The following ZNF609 variants were observed in gnomAD, a reference collection of about 807,000 sequenced individuals.
ZNF609 encodes the protein zinc finger protein 609.
A neutral mutation model predicts 109.5 loss-of-function variants in ZNF609; 11 were observed. The ratio of observed to expected loss-of-function variants is 0.10; its 90% CI spans 0.06 to 0.17. The LOEUF (loss-of-function observed/expected upper bound fraction) is 0.17. Among genes scored for constraint, ZNF609 ranks in the 10% least tolerant of loss-of-function variants. The probability of loss-of-function intolerance (pLI) is 1.00; values close to 1 mark genes in which losing one functional copy is unlikely to be tolerated. For synonymous variants in ZNF609, 646 were observed against 662.0 expected (o/e 0.98, Z 0.37); for missense variants, 1,559 against 1,772.4 (o/e 0.88, Z 2.16).
chr15:64,460,763 G>A lies in ZNF609; in HGVS notation c.-203G>A. 6.5e-6 allele frequency: 1 copy of A among 153,508 alleles called. No homozygotes were observed. The highest frequency in any genetic ancestry group is 1.4e-5 in the Non-Finnish European group (1 of 70,200). The allele number at this position is 153,508 out of a possible 1,614,324, so 9.5% of individuals were successfully genotyped here. A position where few individuals can be genotyped will look rare whatever the true frequency, so the allele number is the denominator to read the frequency against. ...GCCGCGGGAACGGATGGCGGCCTGG[G>A]CCCCGTAGCAGCGGCGGCTCTACGG... is the stretch of plus-strand genomic sequence containing the variant. On this transcript the variant is annotated 5_prime_UTR_variant, in exon 1 of 10. Transcript: ENST00000326648.
chr15:64,642,994 C>G, intron 3 of ZNF609, among the ~76,000 whole-genome samples: 1 of 152,190 alleles, frequency 6.6e-6, no homozygotes, highest in East Asian at 1.9e-4. Context: ...TACCCTTTCT[C>G]TACATCTCTG....
intron 4 of ZNF609, among the ~76,000 whole-genome samples, chr15:64,670,744 G>A (rs1390793970): frequency 6.6e-6 from 1 of 151,880 alleles, no homozygotes; most frequent in Non-Finnish European, 1.5e-5. Flanking sequence ...CAGGCATGGT[G>A]GTGCATGCCT....
At chr15:64,657,357 T>A (rs1896505493) in intron 3 of ZNF609, among the ~76,000 whole-genome samples, 2 of 152,140 alleles carry the variant, frequency 1.3e-5, no homozygotes, top group South Asian at 4.1e-4. Context: ...GGCTCACACC[T>A]GTAATCCCAG....
intron 1 of ZNF609, among the ~76,000 whole-genome samples, chr15:64,469,203 C>T (rs978796507): frequency 2.0e-5 from 3 of 151,608 alleles, no homozygotes; most frequent in Non-Finnish European, 4.4e-5. Flanking sequence ...GTAGAAGTTG[C>T]AGTGAGCCGA....
intron 1 of ZNF609, among the ~76,000 whole-genome samples, chr15:64,477,415 C>T (rs1893189660): frequency 6.6e-6 from 1 of 151,702 alleles, no homozygotes; most frequent in Non-Finnish European, 1.5e-5. Flanking sequence ...GCTGAGATTA[C>T]AGGCGTGAGC....
intron 2 of ZNF609, among the ~76,000 whole-genome samples, chr15:64,597,042 C>T (rs987060647): frequency 6.6e-6 from 1 of 152,114 alleles, no homozygotes; most frequent in African/African-American, 2.4e-5. Context: ...TTCTCACCTA[C>T]CCACTTGACT....
intron 2 of ZNF609, among the ~76,000 whole-genome samples, chr15:64,616,301 T>C (rs1048070593): frequency 3.9e-5 from 6 of 151,962 alleles, no homozygotes; most frequent in Non-Finnish European, 8.8e-5. Context: ...GCCTTCAGTG[T>C]ATTTTCTACC....
rs375699931 is a variant in ZNF609, at chr15:64,678,517, T to C, written c.3769+35T>C. The C allele has an allele frequency of 1.0e-4, 157 of 1,523,106 alleles. No individual in the cohort carries two copies. The African/African-American group carries it at 2.1e-3, about 21-fold the overall frequency. The allele number at this position is 1,523,106 out of a possible 1,614,324, so 94.3% of individuals were successfully genotyped here. A position where few individuals can be genotyped will look rare whatever the true frequency, so the allele number is the denominator to read the frequency against. ...CAAGTGCCAGCACTATTCCATTCAC[T>C]GGAAGGGGGAATGAAGCACAGATTT... On this transcript the variant is annotated intron_variant, in intron 6 of 9. Transcript: ENST00000326648.
chr15:64,478,642 G>A (rs1893206549), intron 1 of ZNF609, among the ~76,000 whole-genome samples: 1 of 152,058 alleles, frequency 6.6e-6, no homozygotes, highest in Non-Finnish European at 1.5e-5. Context: ...GACTCCCAAA[G>A]CACTGGGATT....
At chr15:64,548,664 A>T (rs1489458151) in intron 2 of ZNF609, among the ~76,000 whole-genome samples, 1 of 152,180 alleles carries the variant, frequency 6.6e-6, no homozygotes, top group Non-Finnish European at 1.5e-5. Flanking sequence ...GCTACTTGGG[A>T]GGCTAAAGTA....
intron 3 of ZNF609, among the ~76,000 whole-genome samples, chr15:64,625,928 TATATATATAGAG>T (rs1489837719): frequency 6.8e-5 from 5 of 73,598 alleles, no homozygotes; most frequent in Non-Finnish European, 1.1e-4. Context: ...TATATATATA[TATATATATAGAG>T]AGAGAGAGAG....
chr15:64,673,252 G>A (rs906891498), intron 4 of ZNF609, among the ~76,000 whole-genome samples: 1 of 152,078 alleles, frequency 6.6e-6, no homozygotes, highest in Non-Finnish European at 1.5e-5. Context: ...TACTCCAGCT[G>A]CCCCCTGGAA....
intron 2 of ZNF609, among the ~76,000 whole-genome samples, chr15:64,614,545 C>T (rs1895768983): frequency 6.6e-6 from 1 of 151,784 alleles, no homozygotes; most frequent in Non-Finnish European, 1.5e-5. Flanking sequence ...TTCTGTATTT[C>T]AAGAGACAAA....
At chr15:64,602,665 T>A (rs1415837340) in intron 2 of ZNF609, among the ~76,000 whole-genome samples, 1 of 151,502 alleles carries the variant, frequency 6.6e-6, no homozygotes, top group East Asian at 1.9e-4. Flanking sequence ...CCCAGCAAGC[T>A]CATGACTCAT....
rs977544759 is a variant in ZNF609 at position 64,683,427 on chromosome 15, C to T, written c.*1741C>T. ...GTCACCATCTGCTCAAGAGGATCCC[C>T]TCTGATCTACAGGCCTTTTCCCTAG... On this transcript the variant is annotated 3_prime_UTR_variant, in exon 10 of 10. Coordinates refer to ENST00000326648, the MANE Select transcript of ZNF609 (RefSeq NM_015042.2). 6 of 152,748 alleles carry T rather than the reference C, an allele frequency of 3.9e-5. No homozygotes were observed. The highest frequency in any genetic ancestry group is 7.3e-5 in the Non-Finnish European group (5 of 68,102). The allele number at this position is 152,748 out of a possible 1,614,324, so 9.5% of individuals were successfully genotyped here. A position where few individuals can be genotyped will look rare whatever the true frequency, so the allele number is the denominator to read the frequency against.
intron 2 of ZNF609, among the ~76,000 whole-genome samples, chr15:64,552,054 A>G (rs1894490271): frequency 6.7e-6 from 1 of 150,296 alleles, no homozygotes; most frequent in Admixed American, 6.6e-5. Context: ...TTGTGTTTTG[A>G]GAGTTCTTGA....
At chr15:64,673,067 T>C (rs1017026104) in intron 4 of ZNF609, among the ~76,000 whole-genome samples, 2 of 152,148 alleles carry the variant, frequency 1.3e-5, no homozygotes, top group Admixed American at 6.5e-5. Flanking sequence ...GAAGGACTTA[T>C]TTCTGCTTTG....
At chr15:64,607,864 TTTC>T (rs1435822778) in intron 2 of ZNF609, among the ~76,000 whole-genome samples, 28 of 39,644 alleles carry the variant, frequency 7.1e-4, no homozygotes, top group African/African-American at 1.6e-3. Flanking sequence ...TCTTTCTTTC[TTTC>T]TTTCTTTCTT....
intron 2 of ZNF609, among the ~76,000 whole-genome samples, chr15:64,507,376 A>G (rs893333317): frequency 1.3e-5 from 2 of 152,156 alleles, no homozygotes; most frequent in African/African-American, 2.4e-5. Context: ...TGGCAGTAAC[A>G]TACACAGCTG....
Sources: allele counts gnomAD v4.1 joint callset (sites outside exome capture counted in the v4.1 genomes callset), GRCh38; gene constraint gnomAD v4.1.1; transcripts MANE v1.5; gene names NCBI Gene and HGNC (gene_info 2026-07-23, HGNC 2026-07-21).